METTL15: variants seen among roughly 807,000 people sequenced by gnomAD.
METTL15 encodes the protein methyltransferase 15, mitochondrial 12S rRNA N4-cytidine.
In METTL15, 34 loss-of-function variants were observed where a neutral mutation model predicts 38.3. That is an observed-to-expected ratio of 0.89 (90% CI 0.68 to 1.18). METTL15 has a LOEUF of 1.18. METTL15 is among the 50% of genes most tolerant of loss of function. The probability of loss-of-function intolerance (pLI) is 0.00; values close to 1 mark genes in which losing one functional copy is unlikely to be tolerated. For missense variants in METTL15, 438 were observed against 498.4 expected, an observed-to-expected ratio of 0.88 and a Z score of 1.15; for synonymous variants, 162 against 170.9, an observed-to-expected ratio of 0.95 and a Z score of 0.41.
intron 3 of METTL15, among the ~76,000 whole-genome samples, chr11:28,181,684 C>G (rs11605717): frequency 0.25 from 37,754 of 151,306 alleles, 4,957 homozygotes; most frequent in African/African-American, 0.3. Flanking sequence ...GGGTTCCAGC[C>G]TTTGCTAATG....
chr11:28,321,232 G>A (rs1327108893), intron 6 of METTL15, among the ~76,000 whole-genome samples: 1 of 152,038 alleles, frequency 6.6e-6, no homozygotes, highest in African/African-American at 2.4e-5. Flanking sequence ...ATTTTTTAAC[G>A]TGATTTTCAC....
At chr11:28,258,540 T>C (rs1855065838) in intron 4 of METTL15, among the ~76,000 whole-genome samples, 1 of 152,132 alleles carries the variant, frequency 6.6e-6, no homozygotes, top group Non-Finnish European at 1.5e-5. Flanking sequence ...TCTTTGAAGT[T>C]TGTCTGGTGT....
At chr11:28,209,309 C>T (rs572339802) in intron 3 of METTL15, among the ~76,000 whole-genome samples, 106 of 151,898 alleles carry the variant, frequency 7.0e-4, no homozygotes, top group South Asian at 3.1e-3. Flanking sequence ...TATGGTTTTG[C>T]CTTGGAAAAA....
intron 3 of METTL15, among the ~76,000 whole-genome samples, chr11:28,157,640 C>G (rs1850308234): frequency 6.6e-6 from 1 of 152,162 alleles, no homozygotes; most frequent in African/African-American, 2.4e-5. Flanking sequence ...TCTGGCCCAT[C>G]TAGGTATTAA....
chr11:28,295,322 G>T (rs1482608291), intron 5 of METTL15, among the ~76,000 whole-genome samples: 1 of 152,030 alleles, frequency 6.6e-6, no homozygotes, highest in Non-Finnish European at 1.5e-5. Context: ...TGAGTAGCAG[G>T]ACCAGGATTC....
In METTL15 at chr11:28,309,817, A is replaced by C. The variant is rs554404560; in HGVS notation, c.778+12886A>C. On this transcript the variant is annotated intron_variant, in intron 6 of 6. Transcript: ENST00000407364. ...TGGGTCATTTTTTTCTGTGCCCCCCACACACAATTTTTCATTTGATCACTT... is the reference window on the plus strand; with the variant it reads ...TGGGTCATTTTTTTCTGTGCCCCCCCCACACAATTTTTCATTTGATCACTT... 8.9e-4 allele frequency among the ~76,000 whole-genome samples: 136 copies of C among 152,258 alleles called. 1 individual carries two copies. The highest frequency in any genetic ancestry group is 3.2e-3 in the African/African-American group (135 of 41,548).
chr11:28,342,760 C>T (rs1317499695), intron 3 of METTL15, among the ~76,000 whole-genome samples: 1 of 152,128 alleles, frequency 6.6e-6, no homozygotes, highest in African/African-American at 2.4e-5. Context: ...ACTGATTCAC[C>T]TAAATGGGAT....
chr11:28,434,091 G>A (rs977257448), intron 6 of METTL15, among the ~76,000 whole-genome samples: 1 of 152,090 alleles, frequency 6.6e-6, no homozygotes, highest in Non-Finnish European at 1.5e-5. Flanking sequence ...GTCGTGGGGA[G>A]GAACTAGGTG....
intron 4 of METTL15, among the ~76,000 whole-genome samples, chr11:28,353,462 C>T (rs185818581): frequency 3.9e-5 from 6 of 152,250 alleles, no homozygotes; most frequent in Non-Finnish European, 7.4e-5. Flanking sequence ...AACAGAGGCT[C>T]ATATGATTAT....
chr11:28,147,191 G>A (rs928413462), intron 3 of METTL15, among the ~76,000 whole-genome samples: 2 of 151,772 alleles, frequency 1.3e-5, no homozygotes, highest in Non-Finnish European at 3.0e-5. Context: ...TCTGAGATGG[G>A]AATTATTTAC....
At chr11:28,126,159 ACT>A (rs1402055278) in intron 3 of METTL15, among the ~76,000 whole-genome samples, 25 of 150,922 alleles carry the variant, frequency 1.7e-4, no homozygotes, top group Non-Finnish European at 2.7e-4. Context: ...CACATGGCTG[ACT>A]CTCTCACTCT....
In METTL15 at chr11:28,331,641, C is replaced by G. The variant is rs1451810139; in HGVS notation, c.*800C>G. 1 of 151,302 alleles carries G rather than the reference C, an allele frequency of 6.6e-6. No homozygotes were observed. The highest frequency in any genetic ancestry group is 1.5e-5 in the Non-Finnish European group (1 of 67,616). The allele number at this position is 151,302 out of a possible 1,614,324, so 9.4% of individuals were successfully genotyped here. The stretch of plus-strand genomic sequence containing the variant: ...AGCCAAGTCTATTTGAAATAGAAAA[C>G]TGTCTATTTAATATAGTAAAATCAA... On this transcript the variant is annotated 3_prime_UTR_variant, in exon 7 of 7. Coordinates refer to ENST00000407364, the MANE Select transcript of METTL15 (RefSeq NM_001113528.2).
intron 6 of METTL15, among the ~76,000 whole-genome samples, chr11:28,487,563 C>A (rs1239989505): frequency 6.6e-6 from 1 of 152,068 alleles, no homozygotes; most frequent in Non-Finnish European, 1.5e-5. Context: ...TCATTGCCTT[C>A]CTATATTTCT....
intron 6 of METTL15, among the ~76,000 whole-genome samples, chr11:28,465,357 T>A (rs1044290593): frequency 6.6e-6 from 1 of 152,310 alleles, no homozygotes; most frequent in Non-Finnish European, 1.5e-5. Flanking sequence ...TCTCCTTTTA[T>A]TTTGTACATT....
chr11:28,317,566 C>T (rs944366821), intron 6 of METTL15, among the ~76,000 whole-genome samples: 1 of 152,158 alleles, frequency 6.6e-6, no homozygotes, highest in Non-Finnish European at 1.5e-5. Flanking sequence ...AATCTCAATA[C>T]ATTTAAACAC....
At chr11:28,236,220 T>C (rs933775313) in intron 4 of METTL15, among the ~76,000 whole-genome samples, 1 of 152,188 alleles carries the variant, frequency 6.6e-6, no homozygotes, top group African/African-American at 2.4e-5. Flanking sequence ...AGTATTTTAT[T>C]GAGGATTTTT....
At chr11:28,278,131 A>G (rs1212038517) in intron 4 of METTL15, among the ~76,000 whole-genome samples, 1 of 152,128 alleles carries the variant, frequency 6.6e-6, no homozygotes, top group African/African-American at 2.4e-5. Context: ...GAAAAGCCCT[A>G]TGGGTGTCTA....
intron 6 of METTL15, among the ~76,000 whole-genome samples, chr11:28,437,533 C>T (rs1241032055): frequency 6.6e-6 from 1 of 152,218 alleles, no homozygotes; most frequent in Admixed American, 6.5e-5. Flanking sequence ...CGTCTTGTTA[C>T]ACTTTCTCAA....
intron 3 of METTL15, among the ~76,000 whole-genome samples, chr11:28,141,341 C>T (rs1455044650): frequency 2.6e-5 from 4 of 151,946 alleles, no homozygotes; most frequent in East Asian, 1.9e-4. Context: ...GCCGAATGCA[C>T]GAGTCTGAAA....
Sources: gnomAD v4.1 joint callset for allele counts (sites outside exome capture counted in the v4.1 genomes callset) on GRCh38, gnomAD v4.1.1 for gene constraint, MANE v1.5 for transcripts, NCBI Gene and HGNC (gene_info 2026-07-23, HGNC 2026-07-21) for gene names.